SERBP1: variants seen among roughly 807,000 people sequenced by gnomAD.
The protein encoded by SERBP1 is SERPINE1 mRNA-binding protein 1.
SERBP1 carries 6 observed loss-of-function variants against 50.2 expected under a neutral mutation model. The ratio of observed to expected loss-of-function variants is 0.12; its 90% CI spans 0.07 to 0.24. The LOEUF (loss-of-function observed/expected upper bound fraction) is 0.24, where lower values mean the gene tolerates loss of function less well. Ranked by LOEUF, SERBP1 falls within the 10% of genes least tolerant of loss-of-function variation. The pLI, the probability that SERBP1 is intolerant of heterozygous loss-of-function variation, is 1.00. For synonymous variants in SERBP1, 168 were observed against 182.8 expected (o/e 0.92, Z 0.65); for missense variants, 346 against 524.9 (o/e 0.66, Z 3.33).
At chr1:67,424,782 T>C in intron 4 of SERBP1, 106 bp downstream of exon 4, 1 of 864,624 alleles carries the variant, frequency 1.2e-6, no homozygotes, top group Admixed American at 2.0e-5. Flanking sequence ...ATAGTAACTC[T>C]CAGAAGAGAG....
Position 67,408,227 on chromosome 1 carries a change from G to C in SERBP1, c.*4980C>G, listed in dbSNP as rs926590395. The stretch of plus-strand genomic sequence containing the variant: ...CTAGTATGAACCAATTATCTAAATA[G>C]ATTTCTAAAAGTCCATAATGAATCA... On this transcript the variant is annotated 3_prime_UTR_variant, in exon 8 of 8. Transcript: ENST00000361219. The C allele has an allele frequency of 2.0e-5, 3 of 152,060 alleles. No individual in the cohort carries two copies. Among genetic ancestry groups the C allele is most frequent in the Admixed American group, 6.5e-5 (1 of 15,268 alleles). 9.4% of individuals were successfully genotyped at this position (152,060 alleles called of 1,614,324 possible). A position where few individuals can be genotyped will look rare whatever the true frequency, so the allele number is the denominator to read the frequency against.
intron 5 of SERBP1, chr1:67,420,389 T>C (rs1024436370): frequency 4.0e-6 from 2 of 496,528 alleles, no homozygotes; most frequent in Non-Finnish European, 7.1e-6. Flanking sequence ...TAGAGACAAG[T>C]AAGGAATATG....
intron 7 of SERBP1, 30 bp from the exon 8 acceptor site, chr1:67,413,293 G>T (rs368118195): frequency 1.3e-5 from 20 of 1,537,258 alleles, no homozygotes; most frequent in Admixed American, 2.3e-5. Context: ...ATTAACCACA[G>T]TTCTCAGTTC....
At chr1:67,424,754 A>C in intron 4 of SERBP1, 134 bp downstream of exon 4, 1 of 702,698 alleles carries the variant, frequency 1.4e-6, no homozygotes, top group Non-Finnish European at 2.4e-6. Flanking sequence ...CCCATCCCAT[A>C]AGACATTATC....
chr1:67,430,145 C>T lies in SERBP1; in HGVS notation c.156G>A (p.Lys52=), dbSNP rs1667528303. The change falls in exon 1 of 8, where the codon AAG becomes AAA. Residue 52 remains lysine, a synonymous_variant. Transcript: ENST00000361219. ...TCTGGGCCGCGGCCTGAGCTGCGCT[C>T]TTGGCCCCAGGGCCCCCAACGCCGC... The part of the protein sequence containing the change: ...GGGGVGGPGA[K]SAAQAAAQTN... 1.2e-6 allele frequency: 2 copies of T among 1,611,440 alleles called. No individual in the cohort carries two copies.
At chr1:67,429,036 C>G (rs1367866089) in intron 1 of SERBP1, among the ~76,000 whole-genome samples, 1 of 152,074 alleles carries the variant, frequency 6.6e-6, no homozygotes, top group African/African-American at 2.4e-5. Flanking sequence ...TCAAGACAAT[C>G]CTGTGAAACT....
Position 67,419,174 on chromosome 1 carries a change from A to T in SERBP1, c.951+835T>A, listed in dbSNP as rs184273031. Among the ~76,000 whole-genome samples, 309 of 152,354 alleles carry T rather than the reference A, an allele frequency of 2.0e-3. 1 individual carries two copies. The highest frequency in any genetic ancestry group is 7.2e-3 in the African/African-American group (298 of 41,576). On this transcript the variant is annotated intron_variant, in intron 6 of 7. Transcript: ENST00000361219. ...GCCCAATCCCTTTTCTTCCTATCCA[A>T]AATAAAGACCTTTGTGATGATCCAG...
intron 6 of SERBP1, among the ~76,000 whole-genome samples, chr1:67,415,973 G>T (rs1012333197): frequency 1.3e-5 from 2 of 150,510 alleles, no homozygotes; most frequent in African/African-American, 4.9e-5. Flanking sequence ...GTAAAGCTAT[G>T]CACAAATAAA....
chr1:67,409,386 GACACACACACACAC>G lies in SERBP1; in HGVS notation c.*3807_*3820del, dbSNP rs768733223. The G allele has an allele frequency of 8.8e-6, 1 of 114,142 alleles. No individual in the cohort carries two copies. Among genetic ancestry groups the G allele is most frequent in the Non-Finnish European group, 1.8e-5 (1 of 57,090 alleles). 7.1% of individuals were successfully genotyped at this position (114,142 alleles called of 1,614,324 possible). Reference sequence around the variant, plus strand: ...AAACCATTCTTAACTCAGGGACACGGACACACACACACACACACACACACACACACACACCCCCA... The same window carrying G: ...AAACCATTCTTAACTCAGGGACACGGACACACACACACACACACACCCCCA... On this transcript the variant is annotated 3_prime_UTR_variant, in exon 8 of 8. Coordinates refer to ENST00000361219, the MANE Select transcript of SERBP1 (RefSeq NM_001018069.2).
chr1:67,421,472 T>C (rs1332052605), intron 5 of SERBP1, among the ~76,000 whole-genome samples: 2 of 152,254 alleles, frequency 1.3e-5, no homozygotes, highest in Non-Finnish European at 2.9e-5. Context: ...GATTCTCCCC[T>C]AGTCTGGAAT....
intron 2 of SERBP1, 47 bp from the exon 3 acceptor site, chr1:67,425,270 A>G: frequency 6.6e-7 from 1 of 1,519,486 alleles, no homozygotes. Context: ...TCCAGAAGAA[A>G]TGAGGAAAAT....
intron 6 of SERBP1, 21 bp from the exon 7 acceptor site, chr1:67,415,360 G>T: frequency 6.5e-7 from 1 of 1,533,918 alleles, no homozygotes. Flanking sequence ...AAGTGAAGAT[G>T]ATTGTGTTAT....
intron 6 of SERBP1, among the ~76,000 whole-genome samples, chr1:67,415,589 C>CTA (rs1169901150): frequency 1.3e-5 from 2 of 152,170 alleles, no homozygotes; most frequent in Non-Finnish European, 2.9e-5. Flanking sequence ...GACATGTATG[C>CTA]TATCACAATC....
chr1:67,423,538 C>T (rs975292168), intron 5 of SERBP1, among the ~76,000 whole-genome samples: 2 of 149,946 alleles, frequency 1.3e-5, no homozygotes, highest in Admixed American at 6.7e-5. Context: ...GCCCAGGAGG[C>T]GGAGGGTGCA....
chr1:67,422,561 C>A (rs1320986624), intron 5 of SERBP1, among the ~76,000 whole-genome samples: 1 of 151,406 alleles, frequency 6.6e-6, no homozygotes. Context: ...GCCCCTCCCA[C>A]CCCCCAACTA....
chr1:67,417,118 G>C (rs189713470), intron 6 of SERBP1: 1 of 152,164 alleles, frequency 6.6e-6, no homozygotes, highest in Non-Finnish European at 1.5e-5. Flanking sequence ...GCTTGAGCAC[G>C]GGGAGGTTGA....
intron 1 of SERBP1, among the ~76,000 whole-genome samples, chr1:67,428,158 G>A (rs1667449932): frequency 6.6e-6 from 1 of 152,120 alleles, no homozygotes; most frequent in African/African-American, 2.4e-5. Flanking sequence ...TATTTTACAT[G>A]CTTGTATTTT....
intron 7 of SERBP1, 82 bp downstream of exon 7, chr1:67,415,084 A>T: frequency 7.1e-7 from 1 of 1,408,748 alleles, no homozygotes; most frequent in Non-Finnish European, 9.5e-7. Flanking sequence ...TTATGTTCCC[A>T]AAAGTGACAT....
At chr1:67,418,283 C>T (rs1667090744) in intron 6 of SERBP1, among the ~76,000 whole-genome samples, 1 of 151,920 alleles carries the variant, frequency 6.6e-6, no homozygotes, top group Admixed American at 6.6e-5. Context: ...GCTGAAACCA[C>T]GTGTTCTAAT....
Sources: allele counts gnomAD v4.1 joint callset (sites outside exome capture counted in the v4.1 genomes callset), GRCh38; gene constraint gnomAD v4.1.1; transcripts MANE v1.5; gene names NCBI Gene and HGNC (gene_info 2026-07-23, HGNC 2026-07-21).